Variants in GALNT13 observed in about 807,000 individuals in gnomAD.
GALNT13 encodes the protein polypeptide N-acetylgalactosaminyltransferase 13, also known as UDP-GalNAc:polypeptide N-acetylgalactosaminyltransferase 13.
In GALNT13, 28 loss-of-function variants were observed where a neutral mutation model predicts 64.2. The observed-to-expected ratio is 0.44, with a 90% CI of 0.32 to 0.60. The LOEUF is 0.60. Among genes scored for constraint, GALNT13 ranks in the 20% least tolerant of loss-of-function variants. The pLI is 0.05. For synonymous variants in GALNT13, 214 were observed against 224.6 expected, an observed-to-expected ratio of 0.95 and a Z score of 0.42; for missense variants, 577 against 669.8, an observed-to-expected ratio of 0.86 and a Z score of 1.53.
the GALNT13 span, among the ~76,000 whole-genome samples, chr2:153,753,697 C>T: frequency 6.6e-6 from 1 of 152,152 alleles, no homozygotes; most frequent in Non-Finnish European, 1.5e-5. Context: ...CTAAGGTTTG[C>T]TGTAACTACT....
the GALNT13 span, among the ~76,000 whole-genome samples, chr2:153,514,935 C>G: frequency 6.6e-6 from 1 of 152,222 alleles, no homozygotes; most frequent in East Asian, 1.9e-4. Flanking sequence ...CCCACTCCTC[C>G]CCATCCTGTT....
intron 3 of GALNT13, among the ~76,000 whole-genome samples, chr2:154,085,005 G>T (rs13005085): frequency 6.6e-6 from 1 of 151,950 alleles, no homozygotes; most frequent in South Asian, 2.1e-4. Context: ...ATGTTCCCAA[G>T]AACTTAATTA....
At chr2:153,434,255 G>A in the GALNT13 span, among the ~76,000 whole-genome samples, 1 of 152,174 alleles carries the variant, frequency 6.6e-6, no homozygotes, top group Admixed American at 6.5e-5. Context: ...TTGGTTCCAA[G>A]TCTTTGCTAT....
chr2:153,948,918 A>G (rs934019467), intron 3 of GALNT13, among the ~76,000 whole-genome samples: 4 of 152,130 alleles, frequency 2.6e-5, no homozygotes, highest in Non-Finnish European at 5.9e-5. Flanking sequence ...TCGGTGATGA[A>G]TAAGTGTGTA....
chr2:153,076,732 C>T, the GALNT13 span, among the ~76,000 whole-genome samples: 1 of 152,008 alleles, frequency 6.6e-6, no homozygotes, highest in African/African-American at 2.4e-5. Flanking sequence ...TCATTATACT[C>T]TAAGTTTCCA....
the GALNT13 span, among the ~76,000 whole-genome samples, chr2:153,167,655 C>T: frequency 5.3e-5 from 8 of 152,100 alleles, no homozygotes; most frequent in African/African-American, 7.2e-5. Context: ...CTGGTGCAAT[C>T]GGATAGTCTG....
At chr2:154,344,749 A>G (rs1463827828) in intron 9 of GALNT13, among the ~76,000 whole-genome samples, 1 of 152,064 alleles carries the variant, frequency 6.6e-6, no homozygotes, top group African/African-American at 2.4e-5. Context: ...GCATCTCATT[A>G]TGCCATCACT....
At chr2:153,199,141 C>T in the GALNT13 span, among the ~76,000 whole-genome samples, 5 of 152,166 alleles carry the variant, frequency 3.3e-5, no homozygotes, top group African/African-American at 9.7e-5. Flanking sequence ...CTTGGGTCGG[C>T]CCTGGTTCTT....
the GALNT13 span, among the ~76,000 whole-genome samples, chr2:153,739,380 A>T: frequency 2.0e-5 from 3 of 151,420 alleles, no homozygotes; most frequent in Non-Finnish European, 4.4e-5. Flanking sequence ...GATTCCGTAA[A>T]AAATGGAATT....
chr2:153,537,897 C>T, the GALNT13 span, among the ~76,000 whole-genome samples: 1 of 152,184 alleles, frequency 6.6e-6, no homozygotes, highest in African/African-American at 2.4e-5. Context: ...AAAAATTACC[C>T]AGTCTCAGGC....
the GALNT13 span, among the ~76,000 whole-genome samples, chr2:153,507,647 A>G: frequency 6.6e-6 from 1 of 151,880 alleles, no homozygotes; most frequent in Non-Finnish European, 1.5e-5. Flanking sequence ...TTAATAATTG[A>G]CCTTCTGAAT....
At chr2:153,574,271 A>T in the GALNT13 span, among the ~76,000 whole-genome samples, 1 of 151,728 alleles carries the variant, frequency 6.6e-6, no homozygotes, top group South Asian at 2.1e-4. Context: ...TATTGCTTTT[A>T]ATATCCTTTC....
chr2:153,499,403 G>A, the GALNT13 span, among the ~76,000 whole-genome samples: 1 of 152,116 alleles, frequency 6.6e-6, no homozygotes. Context: ...AAAAAGTCCC[G>A]TAAGTTCTCA....
the GALNT13 span, among the ~76,000 whole-genome samples, chr2:153,526,993 A>G: frequency 6.6e-6 from 1 of 152,180 alleles, no homozygotes; most frequent in Admixed American, 6.5e-5. Flanking sequence ...CAGTCTGAGG[A>G]GACAAAAGCA....
chr2:153,826,320 C>G, the GALNT13 span, among the ~76,000 whole-genome samples: 4 of 152,242 alleles, frequency 2.6e-5, no homozygotes, highest in East Asian at 7.7e-4. Flanking sequence ...AGCCAGTAAG[C>G]CATTAACCCA....
At chr2:153,271,021 T>G in the GALNT13 span, among the ~76,000 whole-genome samples, 3 of 152,026 alleles carry the variant, frequency 2.0e-5, no homozygotes, top group African/African-American at 7.2e-5. Context: ...AAAAACCACA[T>G]AATTATCTCA....
At chr2:153,600,830 C>T in the GALNT13 span, among the ~76,000 whole-genome samples, 1 of 151,930 alleles carries the variant, frequency 6.6e-6, no homozygotes, top group Non-Finnish European at 1.5e-5. Context: ...AGATGAGGAT[C>T]CCTGGCTGAG....
the GALNT13 span, among the ~76,000 whole-genome samples, chr2:153,676,016 A>T: frequency 6.6e-6 from 1 of 152,144 alleles, no homozygotes; most frequent in Non-Finnish European, 1.5e-5. Flanking sequence ...AACTACAATC[A>T]GAGCTGAACC....
chr2:153,626,134 T>G, the GALNT13 span, among the ~76,000 whole-genome samples: 14 of 152,094 alleles, frequency 9.2e-5, no homozygotes, highest in Non-Finnish European at 1.6e-4. Flanking sequence ...ATTTCTAACT[T>G]TCACATAAAC....
Sources: allele counts gnomAD v4.1 joint callset (sites outside exome capture counted in the v4.1 genomes callset), GRCh38; gene constraint gnomAD v4.1.1; transcripts MANE v1.5; gene names NCBI Gene and HGNC (gene_info 2026-07-23, HGNC 2026-07-21).